Variants in SMYD3 observed in about 807,000 individuals in gnomAD.
The protein encoded by SMYD3 is SET and MYND domain containing 3.
A neutral mutation model predicts 57.7 loss-of-function variants in SMYD3; 36 were observed. The observed-to-expected ratio is 0.62, with a 90% CI of 0.48 to 0.82. The LOEUF (loss-of-function observed/expected upper bound fraction) is 0.82, where lower values mean the gene tolerates loss of function less well. Among genes scored for constraint, SMYD3 ranks in the 40% least tolerant of loss-of-function variants. The probability of loss-of-function intolerance (pLI) is 0.00; values close to 1 mark genes in which losing one functional copy is unlikely to be tolerated. For missense variants in SMYD3, 515 were observed against 538.8 expected, an observed-to-expected ratio of 0.96 and a Z score of 0.44; for synonymous variants, 211 against 195.0, an observed-to-expected ratio of 1.08 and a Z score of -0.68.
intron 10 of SMYD3, among the ~76,000 whole-genome samples, chr1:245,836,891 G>A (rs1215006741): frequency 1.4e-4 from 21 of 152,210 alleles, no homozygotes; most frequent in Admixed American, 1.3e-3. Context: ...CTTCTGGTTT[G>A]CCAAGGAACC....
chr1:246,433,265 A>C (rs192036357), intron 1 of SMYD3, among the ~76,000 whole-genome samples: 2 of 152,350 alleles, frequency 1.3e-5, no homozygotes. Flanking sequence ...AAAGAGGTAA[A>C]AGATCTCTAC....
chr1:245,879,950 CTGTACACACCAGAGATAGCACAGGTGCGT>C (rs1185622854), intron 8 of SMYD3, among the ~76,000 whole-genome samples: 2,069 of 150,252 alleles, frequency 0.014, 12 homozygotes, highest in South Asian at 0.037. Context: ...AGGTGCGTTG[CTGTACACACCAGAGATAGCACAGGTGCGT>C]TGCTGTACAC....
chr1:246,121,400 T>C (rs1283421424), intron 5 of SMYD3, among the ~76,000 whole-genome samples: 2 of 140,078 alleles, frequency 1.4e-5, no homozygotes, highest in African/African-American at 2.7e-5. Context: ...CTTTTCACCA[T>C]TACTATGAAT....
chr1:246,249,604 A>G (rs2063769118), intron 5 of SMYD3, among the ~76,000 whole-genome samples: 2 of 152,010 alleles, frequency 1.3e-5, no homozygotes, highest in South Asian at 2.1e-4. Context: ...AAAATTTTCA[A>G]TTAAGGTTAT....
intron 1 of SMYD3, among the ~76,000 whole-genome samples, chr1:246,459,621 G>T (rs1004464967): frequency 6.6e-6 from 1 of 152,192 alleles, no homozygotes; most frequent in Non-Finnish European, 1.5e-5. Context: ...ACAGCCTGCG[G>T]AACTGTGAGT....
intron 1 of SMYD3, among the ~76,000 whole-genome samples, chr1:246,496,555 C>T (rs151176107): frequency 6.9e-4 from 105 of 152,162 alleles, no homozygotes; most frequent in Middle Eastern, 3.4e-3. Flanking sequence ...TGGCCAGATG[C>T]GGTAGCTCAT....
intron 5 of SMYD3, among the ~76,000 whole-genome samples, chr1:246,067,930 C>T (rs1355856790): frequency 6.6e-6 from 1 of 152,156 alleles, no homozygotes; most frequent in African/African-American, 2.4e-5. Flanking sequence ...TGAGTAGCTG[C>T]TGCAGGAAGG....
At chr1:245,990,492 T>C (rs1457873888) in intron 5 of SMYD3, among the ~76,000 whole-genome samples, 2 of 152,218 alleles carry the variant, frequency 1.3e-5, no homozygotes. Flanking sequence ...TTTCTGGATC[T>C]GACATGGTTT....
At chr1:246,027,937 A>T (rs112414463) in intron 5 of SMYD3, among the ~76,000 whole-genome samples, 13,417 of 152,244 alleles carry the variant, frequency 0.088, 1,747 homozygotes, top group African/African-American at 0.28. Flanking sequence ...ACTTCATAGA[A>T]GGAGATCAAA....
intron 1 of SMYD3, among the ~76,000 whole-genome samples, chr1:246,480,730 G>A (rs115558518): frequency 3.9e-5 from 6 of 152,004 alleles, no homozygotes; most frequent in South Asian, 4.1e-4. Context: ...TGCTATTTTG[G>A]GTCCTTCTGA....
chr1:245,873,103 A>C (rs2052303796), intron 8 of SMYD3, among the ~76,000 whole-genome samples: 2 of 152,230 alleles, frequency 1.3e-5, no homozygotes, highest in Non-Finnish European at 2.9e-5. Flanking sequence ...GCTTGCTAAA[A>C]ATGAGCCTTC....
chr1:246,182,850 T>C (rs376031810), intron 5 of SMYD3, among the ~76,000 whole-genome samples: 3 of 152,130 alleles, frequency 2.0e-5, no homozygotes, highest in African/African-American at 7.2e-5. Flanking sequence ...TGCTCAAACC[T>C]AAATCCTTCC....
At chr1:246,422,359 C>T (rs2102998923) in intron 1 of SMYD3, among the ~76,000 whole-genome samples, 1 of 152,206 alleles carries the variant, frequency 6.6e-6, no homozygotes, top group Admixed American at 6.5e-5. Context: ...TTATCAGACT[C>T]AGAAAGTATA....
chr1:245,751,606 GAAAGAGAGAGAGAA>G (rs1446815518), intron 11 of SMYD3, among the ~76,000 whole-genome samples: 53 of 103,894 alleles, frequency 5.1e-4, no homozygotes, highest in Middle Eastern at 4.8e-3. Context: ...GAGAGAGAGA[GAAAGAGAGAGAGAA>G]AAAGAGAGAG....
chr1:245,810,019 GAGGTAAGT>G (rs1425685180), intron 10 of SMYD3, among the ~76,000 whole-genome samples: 2 of 152,128 alleles, frequency 1.3e-5, no homozygotes, highest in African/African-American at 4.8e-5. Flanking sequence ...GGGGACAAAC[GAGGTAAGT>G]AGTACTCATT....
chr1:246,012,469 T>C (rs1018757072), intron 5 of SMYD3, among the ~76,000 whole-genome samples: 1 of 152,204 alleles, frequency 6.6e-6, no homozygotes, highest in Non-Finnish European at 1.5e-5. Context: ...GCAGTGTCAT[T>C]TCTACATTTT....
Position 246,146,898 on chromosome 1 carries a change from C to CGACT in SMYD3, c.531+180302_531+180303insAGTC, listed in dbSNP as rs111436219. Reference sequence around the variant, plus strand: ...CTTGGTGAAGGTTGATGGTGTCGTCCAATCACTGCAGCAAACTGACACAGG... The same window carrying CGACT: ...CTTGGTGAAGGTTGATGGTGTCGTCCGACTAATCACTGCAGCAAACTGACACAGG... On this transcript the variant is annotated intron_variant, in intron 5 of 11. Coordinates refer to ENST00000490107, the MANE Select transcript of SMYD3 (RefSeq NM_001167740.2). 6.3e-4 allele frequency among the ~76,000 whole-genome samples: 96 copies of CGACT among 152,238 alleles called. 1 individual carries two copies. Among genetic ancestry groups the CGACT allele is most frequent in the African/African-American group, 2.3e-3 (94 of 41,526 alleles).
intron 10 of SMYD3, among the ~76,000 whole-genome samples, chr1:245,800,450 A>G (rs1211961309): frequency 6.6e-6 from 1 of 152,016 alleles, no homozygotes; most frequent in Admixed American, 6.5e-5. Flanking sequence ...ATAATGCTAT[A>G]TCTAATAGTG....
chr1:246,284,352 A>G (rs1242167023), intron 5 of SMYD3, among the ~76,000 whole-genome samples: 2 of 152,128 alleles, frequency 1.3e-5, no homozygotes, highest in Non-Finnish European at 2.9e-5. Flanking sequence ...CAGCAACGTG[A>G]ATTCTCTCAA....
Sources: allele counts gnomAD v4.1 joint callset (sites outside exome capture counted in the v4.1 genomes callset), GRCh38; gene constraint gnomAD v4.1.1; transcripts MANE v1.5; gene names NCBI Gene and HGNC (gene_info 2026-07-23, HGNC 2026-07-21).